The following KALRN variants were observed in gnomAD, a reference collection of about 807,000 sequenced individuals.
KALRN encodes kalirin RhoGEF kinase.
KALRN carries 70 observed loss-of-function variants against 353.7 expected under a neutral mutation model. The ratio of observed to expected loss-of-function variants is 0.20; its 90% CI spans 0.16 to 0.24. The LOEUF is 0.24. KALRN is among the 10% of genes least tolerant of loss of function. The pLI is 1.00. For synonymous variants in KALRN, 1,391 were observed against 1,434.8 expected (o/e 0.97, Z 0.69); for missense variants, 2,791 against 3,756.7 (o/e 0.74, Z 6.72).
intron 51 of KALRN, 117 bp downstream of exon 51, chr3:124,679,634 A>C: frequency 1.2e-6 from 1 of 849,028 alleles, no homozygotes; most frequent in South Asian, 1.3e-5. Context: ...ATGTTGGGGC[A>C]TCTCTGGGTA....
chr3:124,337,778 G>A (rs574005301), intron 9 of KALRN, among the ~76,000 whole-genome samples: 19 of 152,132 alleles, frequency 1.2e-4, no homozygotes, highest in South Asian at 4.2e-4. Context: ...GGTCCTGGAC[G>A]TTTTTTTGTT....
intron 14 of KALRN, among the ~76,000 whole-genome samples, chr3:124,417,505 A>G (rs2092572286): frequency 6.6e-6 from 1 of 152,220 alleles, no homozygotes; most frequent in South Asian, 2.1e-4. Flanking sequence ...CTCTTTATAC[A>G]AGGTTTGTAA....
intron 1 of KALRN, among the ~76,000 whole-genome samples, chr3:124,156,361 A>G (rs1480463688): frequency 6.6e-6 from 1 of 152,220 alleles, no homozygotes; most frequent in Non-Finnish European, 1.5e-5. Flanking sequence ...AGCACTCAAC[A>G]TCTATTCCCA....
At chr3:124,512,731 A>G (rs1346233664) in intron 33 of KALRN, among the ~76,000 whole-genome samples, 4 of 152,100 alleles carry the variant, frequency 2.6e-5, no homozygotes, top group Non-Finnish European at 4.4e-5. Context: ...GTGTGTTTGT[A>G]TGTGTGTTTA....
intron 51 of KALRN, among the ~76,000 whole-genome samples, chr3:124,685,587 T>C (rs2061520937): frequency 6.6e-6 from 1 of 152,240 alleles, no homozygotes; most frequent in Admixed American, 6.5e-5. Flanking sequence ...GGCCCTCTTT[T>C]GCTGCACATC....
Position 124,387,704 on chromosome 3 carries a change from C to T in KALRN, c.1962+2668C>T, listed in dbSNP as rs548176443. Among the ~76,000 whole-genome samples the T allele has an allele frequency of 7.2e-5, 11 of 152,160 alleles. No individual in the cohort carries two copies. The South Asian group carries it at 8.3e-4, about 11-fold the overall frequency. On this transcript the variant is annotated intron_variant, in intron 11 of 59. Coordinates refer to ENST00000682506, the MANE Select transcript of KALRN (RefSeq NM_001388419.1). ...TCTCTTTCTCCTCAGTCCCAAAATA[C>T]GAGAGAAATTTAGAGCAGCCCTGCC...
Position 124,666,357 on chromosome 3 carries a change from G to A in KALRN, c.6346-92G>A, listed in dbSNP as rs114191623. The A allele has an allele frequency of 7.2e-4, 824 of 1,152,044 alleles. 3 individuals are homozygous for A. In the African/African-American group the frequency reaches 0.01, roughly 14 times the overall value. The allele number at this position is 1,152,044 out of a possible 1,614,324, so 71.4% of individuals were successfully genotyped here. A position where few individuals can be genotyped will look rare whatever the true frequency, so the allele number is the denominator to read the frequency against. On this transcript the variant is annotated intron_variant, in intron 45 of 59. Transcript: ENST00000682506. ...GCTTTTGTTGTCAAATCTGTTGCCC[G>A]TATCCCCAGATGGGGAGGTTCTGTG...
intron 10 of KALRN, among the ~76,000 whole-genome samples, chr3:124,376,166 C>T (rs567154727): frequency 6.6e-6 from 1 of 152,130 alleles, no homozygotes; most frequent in Non-Finnish European, 1.5e-5. Context: ...GTCTCAGTAC[C>T]GAAACTACTT....
intron 38 of KALRN, among the ~76,000 whole-genome samples, chr3:124,654,667 G>C (rs2083801094): frequency 6.6e-6 from 1 of 152,142 alleles, no homozygotes. Flanking sequence ...ACTCCCAAGA[G>C]CCAGTCAGAG....
chr3:124,334,234 C>T lies in KALRN; in HGVS notation c.1417-31C>T. The T allele has an allele frequency of 6.3e-7, 1 of 1,583,146 alleles. No individual in the cohort carries two copies. The highest frequency in any genetic ancestry group is 8.7e-7 in the Non-Finnish European group (1 of 1,151,864). ...TCTGTGCCCTGCCTATCACCCTTTT[C>T]CCTTAACTTAAACTTCTCTCTTTCC... is the stretch of plus-strand genomic sequence containing the variant. On this transcript the variant is annotated intron_variant, in intron 8 of 59. Coordinates refer to ENST00000682506, the MANE Select transcript of KALRN (RefSeq NM_001388419.1). This position sits in a 1 kb window ranked among gnomAD's most constrained non-coding sequence, Gnocchi z 4.2.
At chr3:124,474,812 T>C (rs2108022637) in intron 26 of KALRN, 80 bp downstream of exon 26, 1 of 1,109,594 alleles carries the variant, frequency 9.0e-7, no homozygotes, top group East Asian at 2.4e-5. Context: ...ACTGGAGTCA[T>C]TGCCAGTCTC....
chr3:124,346,446 AG>A (rs1488748199), intron 9 of KALRN, among the ~76,000 whole-genome samples: 5 of 152,218 alleles, frequency 3.3e-5, no homozygotes, highest in African/African-American at 9.6e-5. Flanking sequence ...TTAGCCTGGA[AG>A]AACCTGAAGT....
intron 27 of KALRN, among the ~76,000 whole-genome samples, chr3:124,477,820 T>C (rs1049799522): frequency 2.6e-5 from 4 of 151,898 alleles, no homozygotes; most frequent in East Asian, 1.9e-4. Flanking sequence ...TCTAATGCAA[T>C]TGATTCAACC....
At chr3:124,590,012 T>C (rs1190259141) in intron 34 of KALRN, among the ~76,000 whole-genome samples, 5 of 151,808 alleles carry the variant, frequency 3.3e-5, no homozygotes, top group Non-Finnish European at 7.4e-5. Flanking sequence ...TCTATCTTTC[T>C]TTTTTCTTTT....
chr3:124,701,577 A>C (rs1447253847), intron 56 of KALRN, among the ~76,000 whole-genome samples: 1 of 151,862 alleles, frequency 6.6e-6, no homozygotes, highest in African/African-American at 2.4e-5. Context: ...TTGTAGAGAC[A>C]GGGTCTTGCT....
chr3:124,652,965 G>T (rs1211003930), intron 38 of KALRN, among the ~76,000 whole-genome samples: 2 of 152,158 alleles, frequency 1.3e-5, no homozygotes, highest in Non-Finnish European at 2.9e-5. Flanking sequence ...ACAAAAGTTT[G>T]CTGTCTCTTT....
chr3:124,094,779 C>T (rs751409454), intron 1 of KALRN: 24 of 1,439,108 alleles, frequency 1.7e-5, no homozygotes, highest in Admixed American at 3.4e-5. Flanking sequence ...CTCGAGTCAG[C>T]GGTGGTGGGA....
intron 33 of KALRN, among the ~76,000 whole-genome samples, chr3:124,507,834 A>G (rs2065406347): frequency 6.6e-6 from 1 of 152,234 alleles, no homozygotes; most frequent in Admixed American, 6.5e-5. Flanking sequence ...AATATGTTAC[A>G]TTTAAACCAG....
chr3:124,431,035 C>T (rs536519496), intron 16 of KALRN, among the ~76,000 whole-genome samples: 16 of 152,324 alleles, frequency 1.1e-4, no homozygotes, highest in African/African-American at 2.4e-4. Context: ...GTACCTTCAA[C>T]CTTTAAGGCC....
Sources: gnomAD v4.1 joint callset for allele counts (sites outside exome capture counted in the v4.1 genomes callset) on GRCh38, gnomAD v4.1.1 for gene constraint, Gnocchi (gnomAD v3.1) non-coding constraint, MANE v1.5 for transcripts, NCBI Gene and HGNC (gene_info 2026-07-23, HGNC 2026-07-21) for gene names.